RABGAP1L: variants seen among roughly 807,000 people sequenced by gnomAD.
RABGAP1L encodes rab GTPase-activating protein 1-like.
In RABGAP1L, 63 loss-of-function variants were observed where a neutral mutation model predicts 137.7. That is an observed-to-expected ratio of 0.46 (90% CI 0.37 to 0.56). The LOEUF (loss-of-function observed/expected upper bound fraction) is 0.56. Ranked by LOEUF, RABGAP1L falls within the 20% of genes least tolerant of loss-of-function variation. The pLI is 0.00. For synonymous variants in RABGAP1L, 431 were observed against 433.7 expected (o/e 0.99, Z 0.08); for missense variants, 1,095 against 1,244.0 (o/e 0.88, Z 1.80).
At chr1:174,722,940 T>C (rs1681691303) in intron 17 of RABGAP1L, among the ~76,000 whole-genome samples, 1 of 152,178 alleles carries the variant, frequency 6.6e-6, no homozygotes, top group South Asian at 2.1e-4. Context: ...TTGTGCTCTA[T>C]ATTAGGCAAG....
chr1:174,643,344 A>G (rs1422791852), intron 14 of RABGAP1L, among the ~76,000 whole-genome samples: 1 of 152,142 alleles, frequency 6.6e-6, no homozygotes, highest in African/African-American at 2.4e-5. Context: ...ATTTCCTAGT[A>G]AGCTGCTTTG....
chr1:174,976,575 C>T (rs1670659984), intron 22 of RABGAP1L, among the ~76,000 whole-genome samples: 1 of 152,176 alleles, frequency 6.6e-6, no homozygotes, highest in South Asian at 2.1e-4. Context: ...AAACCGAAAG[C>T]CTACAGAGAT....
chr1:174,917,615 A>G (rs1661079025), intron 19 of RABGAP1L, among the ~76,000 whole-genome samples: 1 of 152,140 alleles, frequency 6.6e-6, no homozygotes, highest in African/African-American at 2.4e-5. Flanking sequence ...AGCTACCTTG[A>G]TATAGTAATT....
chr1:174,229,132 T>A (rs922274465), intron 3 of RABGAP1L, among the ~76,000 whole-genome samples: 1 of 152,260 alleles, frequency 6.6e-6, no homozygotes, highest in Admixed American at 6.5e-5. Flanking sequence ...GGAATACTTA[T>A]ATAGTTCATT....
At chr1:174,813,964 G>A (rs1690129095) in intron 19 of RABGAP1L, among the ~76,000 whole-genome samples, 1 of 152,150 alleles carries the variant, frequency 6.6e-6, no homozygotes, top group Non-Finnish European at 1.5e-5. Flanking sequence ...AAAAGTTAAA[G>A]GTTTTCAAGG....
At chr1:174,296,209 A>C (rs1351404266) in intron 10 of RABGAP1L, among the ~76,000 whole-genome samples, 1 of 152,230 alleles carries the variant, frequency 6.6e-6, no homozygotes, top group Non-Finnish European at 1.5e-5. Context: ...AATAAGAGAC[A>C]GTGTTCTTAA....
intron 19 of RABGAP1L, chr1:174,874,473 G>T (rs750076456): frequency 1.0e-6 from 1 of 984,836 alleles, no homozygotes; most frequent in African/African-American, 1.8e-5. Flanking sequence ...GAGTGTGGCT[G>T]GTTTCTGTTG....
At chr1:174,690,772 A>C (rs1044449678) in intron 15 of RABGAP1L, among the ~76,000 whole-genome samples, 10 of 152,056 alleles carry the variant, frequency 6.6e-5, no homozygotes, top group African/African-American at 2.4e-4. Context: ...TTAATATGTA[A>C]ACAAAAAATG....
intron 19 of RABGAP1L, among the ~76,000 whole-genome samples, chr1:174,861,437 C>T (rs954685974): frequency 4.6e-5 from 7 of 152,100 alleles, no homozygotes; most frequent in Admixed American, 2.0e-4. Context: ...AATATCTCTT[C>T]GAGATACTAT....
chr1:174,232,587 T>A (rs1470324479), intron 4 of RABGAP1L, among the ~76,000 whole-genome samples: 1 of 151,230 alleles, frequency 6.6e-6, no homozygotes, highest in African/African-American at 2.4e-5. Context: ...ATCGAGACCA[T>A]CCTGGCTAAC....
intron 3 of RABGAP1L, among the ~76,000 whole-genome samples, chr1:174,225,973 G>A (rs568328853): frequency 6.6e-6 from 1 of 152,022 alleles, no homozygotes; most frequent in Non-Finnish European, 1.5e-5. Flanking sequence ...GTACCACCGC[G>A]ACTACCAGCA....
At chr1:174,461,700 A>G (rs1247164911) in intron 13 of RABGAP1L, among the ~76,000 whole-genome samples, 2 of 152,176 alleles carry the variant, frequency 1.3e-5, no homozygotes, top group Non-Finnish European at 2.9e-5. Context: ...TTACTTCAAG[A>G]TTATTTTCCC....
intron 13 of RABGAP1L, among the ~76,000 whole-genome samples, chr1:174,546,823 G>T (rs991536653): frequency 1.3e-5 from 2 of 151,952 alleles, no homozygotes; most frequent in Non-Finnish European, 2.9e-5. Context: ...GAGGTCAGGA[G>T]ATCGAGACCA....
chr1:174,845,113 A>G lies in RABGAP1L; in HGVS notation c.2340+33153A>G, dbSNP rs905681073. Among the ~76,000 whole-genome samples the G allele has an allele frequency of 2.3e-4, 35 of 149,938 alleles. No homozygotes were observed. In the East Asian group the frequency reaches 5.3e-3, roughly 23 times the overall value. Reference sequence around the variant, plus strand: ...TTTGCTGAAGTTGCTTATCAGCTTAAGGAGATTTTGGGCTGAGATGATGGA... The same window carrying G: ...TTTGCTGAAGTTGCTTATCAGCTTAGGGAGATTTTGGGCTGAGATGATGGA... On this transcript the variant is annotated intron_variant, in intron 19 of 25. Transcript: ENST00000681986.
chr1:174,259,089 A>C (rs1169673492), intron 7 of RABGAP1L, among the ~76,000 whole-genome samples: 1 of 147,500 alleles, frequency 6.8e-6, no homozygotes, highest in Non-Finnish European at 1.5e-5. Flanking sequence ...ATGCCTGGCC[A>C]ATATTCTGTT....
chr1:174,207,924 A>C (rs946381064), intron 1 of RABGAP1L, among the ~76,000 whole-genome samples: 60 of 152,326 alleles, frequency 3.9e-4, no homozygotes, highest in African/African-American at 1.3e-3. Context: ...GTGCTCAATC[A>C]GTCTCAACAA....
chr1:174,200,337 G>C (rs1668008937), intron 1 of RABGAP1L, among the ~76,000 whole-genome samples: 1 of 152,174 alleles, frequency 6.6e-6, no homozygotes, highest in African/African-American at 2.4e-5. Flanking sequence ...TGGCATAACA[G>C]CTTCTATTCT....
At chr1:174,574,671 T>C (rs976566251) in intron 13 of RABGAP1L, among the ~76,000 whole-genome samples, 2 of 152,218 alleles carry the variant, frequency 1.3e-5, no homozygotes, top group African/African-American at 4.8e-5. Context: ...ATGTAGTTAT[T>C]ATTATGCACG....
At chr1:174,519,456 A>G (rs11807229) in intron 13 of RABGAP1L, among the ~76,000 whole-genome samples, 32,145 of 151,928 alleles carry the variant, frequency 0.21, 3,735 homozygotes, top group Admixed American at 0.25. Flanking sequence ...CCTGCTTTAT[A>G]TTCGCTGGCA....
Sources: gnomAD v4.1 joint callset for allele counts (sites outside exome capture counted in the v4.1 genomes callset) on GRCh38, gnomAD v4.1.1 for gene constraint, MANE v1.5 for transcripts, NCBI Gene and HGNC (gene_info 2026-07-23, HGNC 2026-07-21) for gene names.